Variants in SPTLC1 observed in about 807,000 individuals in gnomAD.
The protein encoded by SPTLC1 is serine palmitoyltransferase 1.
A neutral mutation model predicts 68.9 loss-of-function variants in SPTLC1; 55 were observed. The ratio of observed to expected loss-of-function variants is 0.80; its 90% CI spans 0.64 to 1.00. SPTLC1 has a LOEUF of 1.00. SPTLC1 is among the 50% of genes least tolerant of loss of function. SPTLC1 has a pLI of 0.00. For synonymous variants in SPTLC1, 197 were observed against 201.6 expected (o/e 0.98, Z 0.19); for missense variants, 449 against 573.1 (o/e 0.78, Z 2.21).
intron 13 of SPTLC1, among the ~76,000 whole-genome samples, chr9:92,036,616 T>C (rs959793617): frequency 1.3e-5 from 2 of 152,226 alleles, no homozygotes; most frequent in Admixed American, 6.5e-5. Context: ...GCCTGCTCTG[T>C]GAACACAGCT....
intron 6 of SPTLC1, among the ~76,000 whole-genome samples, chr9:92,067,576 T>C (rs911809392): frequency 6.6e-6 from 1 of 151,924 alleles, no homozygotes; most frequent in Non-Finnish European, 1.5e-5. Flanking sequence ...CTTAATAAGG[T>C]AGGAAGCAAG....
At chr9:92,085,662 C>G (rs1215513088) in intron 3 of SPTLC1, among the ~76,000 whole-genome samples, 99 of 150,850 alleles carry the variant, frequency 6.6e-4, no homozygotes, top group African/African-American at 1.1e-3. Flanking sequence ...TTACTTCCAA[C>G]TATGTGGTCA....
intron 3 of SPTLC1, chr9:92,107,663 A>G (rs1324561339): frequency 1.3e-5 from 2 of 152,280 alleles, no homozygotes; most frequent in East Asian, 1.9e-4. Context: ...GAGGCAGGAT[A>G]ATGGCGTGAA....
Position 92,060,881 on chromosome 9 carries a change from C to T in SPTLC1, c.561-1573G>A, listed in dbSNP as rs146344838. Reference sequence around the variant, plus strand: ...TGAGTCAAGATGGCGCCACTGCATTCCAGCCTGGGTGACAGAGCGAGACTC... The same window carrying T: ...TGAGTCAAGATGGCGCCACTGCATTTCAGCCTGGGTGACAGAGCGAGACTC... On this transcript the variant is annotated intron_variant, in intron 6 of 14. Coordinates refer to ENST00000262554, the MANE Select transcript of SPTLC1 (RefSeq NM_006415.4). Among the ~76,000 whole-genome samples, 985 of 149,924 alleles carry T rather than the reference C, an allele frequency of 6.6e-3. 7 individuals carry two copies. The highest frequency in any genetic ancestry group is 0.011 in the Non-Finnish European group (754 of 67,624).
chr9:92,095,386 G>A (rs1286321785), intron 3 of SPTLC1, among the ~76,000 whole-genome samples: 2 of 152,200 alleles, frequency 1.3e-5, no homozygotes, highest in Admixed American at 6.5e-5. Context: ...AGAAATTCAA[G>A]GGAATATTAG....
At chr9:92,071,460 G>T (rs1834487747) in intron 5 of SPTLC1, among the ~76,000 whole-genome samples, 1 of 152,166 alleles carries the variant, frequency 6.6e-6, no homozygotes. Flanking sequence ...TTCTTCTTAA[G>T]AGTATAAGTG....
intron 5 of SPTLC1, chr9:92,079,705 G>C (rs1360173541): frequency 1.3e-6 from 1 of 787,544 alleles, no homozygotes; most frequent in Non-Finnish European, 2.2e-6. Flanking sequence ...TCAGTGGACT[G>C]TGGGCAGAAG....
chr9:92,095,440 G>A (rs1167950668), intron 3 of SPTLC1, among the ~76,000 whole-genome samples: 1 of 152,190 alleles, frequency 6.6e-6, no homozygotes, highest in African/African-American at 2.4e-5. Flanking sequence ...GCAGCAGTGG[G>A]AAATGGGGGC....
rs569465114 is a variant in SPTLC1, at chr9:92,102,567, G to A, written c.260+6173C>T. The stretch of plus-strand genomic sequence containing the variant: ...GATGTGGGGGTAGTATAGCAGGTTC[G>A]TGTGTGATCAAAATTTTTATCAGCT... On this transcript the variant is annotated intron_variant, in intron 3 of 14. Transcript: ENST00000262554. Among the ~76,000 whole-genome samples, 14 of 152,212 alleles carry A rather than the reference G, an allele frequency of 9.2e-5. No individual in the cohort carries two copies. In the South Asian group the frequency reaches 2.5e-3, roughly 27 times the overall value.
chr9:92,048,407 T>C (rs1833593555), intron 9 of SPTLC1, among the ~76,000 whole-genome samples: 1 of 152,208 alleles, frequency 6.6e-6, no homozygotes, highest in South Asian at 2.1e-4. Context: ...CAGCTAGTGT[T>C]TTCCTTAGTG....
chr9:92,083,458 T>C (rs922144769), intron 3 of SPTLC1, among the ~76,000 whole-genome samples: 21 of 152,054 alleles, frequency 1.4e-4, no homozygotes, highest in Non-Finnish European at 3.1e-4. Context: ...TTTCTACATA[T>C]GGCTAGCCAG....
At chr9:92,068,377 G>A (rs950212836) in intron 5 of SPTLC1, among the ~76,000 whole-genome samples, 6 of 152,216 alleles carry the variant, frequency 3.9e-5, no homozygotes, top group African/African-American at 9.6e-5. Flanking sequence ...TCACTCTACT[G>A]TAAGACTTCA....
chr9:92,085,360 CTT>C (rs1835079299), intron 3 of SPTLC1, among the ~76,000 whole-genome samples: 4 of 149,918 alleles, frequency 2.7e-5, no homozygotes, highest in African/African-American at 9.8e-5. Context: ...ATCTTTCCTG[CTT>C]TCTCTTGTGG....
At chr9:92,094,276 C>T (rs901099928) in intron 3 of SPTLC1, among the ~76,000 whole-genome samples, 8 of 152,186 alleles carry the variant, frequency 5.3e-5, no homozygotes, top group African/African-American at 1.9e-4. Flanking sequence ...AAGATGTCAT[C>T]AATTGTATTT....
chr9:92,064,157 T>C (rs2118573760), intron 6 of SPTLC1, among the ~76,000 whole-genome samples: 1 of 152,356 alleles, frequency 6.6e-6, no homozygotes, highest in South Asian at 2.1e-4. Flanking sequence ...GGTTGCAGGA[T>C]ACAAGCTCAG....
At chr9:92,046,174 C>A in intron 11 of SPTLC1, 121 bp from the exon 12 acceptor site, 1 of 882,450 alleles carries the variant, frequency 1.1e-6, no homozygotes. Flanking sequence ...CTTCTACATA[C>A]TAACAGAGCC....
chr9:92,042,530 T>C (rs538810669), intron 12 of SPTLC1, among the ~76,000 whole-genome samples: 7 of 152,096 alleles, frequency 4.6e-5, no homozygotes, highest in African/African-American at 1.4e-4. Context: ...ACAAAATCTA[T>C]AGGATGTCTG....
intron 3 of SPTLC1, among the ~76,000 whole-genome samples, chr9:92,090,622 C>CAA (rs897259161): frequency 5.3e-5 from 5 of 93,862 alleles, no homozygotes; most frequent in African/African-American, 2.3e-4. Context: ...AAAAAACAAA[C>CAA]AAAAAAAAAT....
At chr9:92,049,260 T>C (rs1220796365) in intron 9 of SPTLC1, among the ~76,000 whole-genome samples, 2 of 152,224 alleles carry the variant, frequency 1.3e-5, no homozygotes, top group East Asian at 3.8e-4. Flanking sequence ...ACAGCTCTTA[T>C]GCGCATGTTT....
Sources: allele counts gnomAD v4.1 joint callset (sites outside exome capture counted in the v4.1 genomes callset), GRCh38; gene constraint gnomAD v4.1.1; transcripts MANE v1.5; gene names NCBI Gene and HGNC (gene_info 2026-07-23, HGNC 2026-07-21).